The following ADAM32 variants were observed in gnomAD, a reference collection of about 807,000 sequenced individuals.
ADAM32 encodes ADAM metallopeptidase domain 32.
Under a neutral mutation model 114.9 loss-of-function variants are expected in ADAM32, and 89 were observed. The observed-to-expected ratio is 0.77, with a 90% CI of 0.65 to 0.92. The LOEUF is 0.92. Ranked by LOEUF, ADAM32 falls within the 40% of genes least tolerant of loss-of-function variation. The pLI, the probability that ADAM32 is intolerant of heterozygous loss-of-function variation, is 0.00. For missense variants in ADAM32, 870 were observed against 932.8 expected, an observed-to-expected ratio of 0.93 and a Z score of 0.88; for synonymous variants, 285 against 307.5, an observed-to-expected ratio of 0.93 and a Z score of 0.77.
intron 12 of ADAM32, among the ~76,000 whole-genome samples, chr8:39,215,964 G>C (rs1808533109): frequency 1.3e-5 from 2 of 151,866 alleles, no homozygotes; most frequent in African/African-American, 2.4e-5. Context: ...TTGATTTTCT[G>C]TCTGGAAGGT....
rs569121913 is a variant in ADAM32 at position 39,270,548 on chromosome 8, A to C, written c.2163-328A>C. On this transcript the variant is annotated intron_variant, in intron 19 of 24. Transcript: ENST00000379907. Reference sequence around the variant, plus strand: ...TTTCTTTAAAAATGAATAAAAAACCAAAAGTTGGATTATGAAGGTCAGAAT... The same window carrying C: ...TTTCTTTAAAAATGAATAAAAAACCCAAAGTTGGATTATGAAGGTCAGAAT... Among the ~76,000 whole-genome samples, 14 of 152,300 alleles carry C rather than the reference A, an allele frequency of 9.2e-5. No individual in the cohort carries two copies. The South Asian group carries it at 2.9e-3, about 32-fold the overall frequency.
At chr8:39,234,613 T>A (rs547014077) in intron 16 of ADAM32, among the ~76,000 whole-genome samples, 2 of 144,458 alleles carry the variant, frequency 1.4e-5, no homozygotes, top group Non-Finnish European at 2.9e-5. Flanking sequence ...GAGATAATAT[T>A]ATAAGTGCTT....
intron 10 of ADAM32, among the ~76,000 whole-genome samples, chr8:39,183,566 A>T (rs561899075): frequency 1.3e-5 from 2 of 152,050 alleles, no homozygotes; most frequent in African/African-American, 4.8e-5. Context: ...CCTCATCATC[A>T]CTCACTCTGT....
intron 10 of ADAM32, among the ~76,000 whole-genome samples, chr8:39,180,447 C>A (rs113722729): frequency 1.3e-5 from 2 of 152,140 alleles, no homozygotes; most frequent in Non-Finnish European, 2.9e-5. Context: ...CGAGCCTCCC[C>A]GACGAGCGCT....
At chr8:39,129,896 A>C (rs2129444775) in intron 2 of ADAM32, 1 of 400,958 alleles carries the variant, frequency 2.5e-6, no homozygotes. Context: ...CTTTTTAGAA[A>C]TTTATTAATT....
chr8:39,134,086 C>T (rs970807970), intron 2 of ADAM32, among the ~76,000 whole-genome samples: 2 of 152,090 alleles, frequency 1.3e-5, no homozygotes, highest in Non-Finnish European at 2.9e-5. Context: ...ACCCAGCTGC[C>T]CCACTTGTTC....
At chr8:39,173,239 C>T (rs1351614497) in intron 10 of ADAM32, among the ~76,000 whole-genome samples, 1 of 152,222 alleles carries the variant, frequency 6.6e-6, no homozygotes, top group Admixed American at 6.5e-5. Context: ...GCCTGGGCAA[C>T]AAGAGGGAGA....
intron 19 of ADAM32, among the ~76,000 whole-genome samples, chr8:39,258,522 A>G (rs1811808760): frequency 1.3e-5 from 2 of 152,064 alleles, no homozygotes; most frequent in Admixed American, 1.3e-4. Flanking sequence ...TTAGTTTTCA[A>G]TTATATGATT....
At chr8:39,262,074 G>A (rs1812066738) in intron 19 of ADAM32, among the ~76,000 whole-genome samples, 1 of 151,942 alleles carries the variant, frequency 6.6e-6, no homozygotes, top group African/African-American at 2.4e-5. Context: ...TTTTGCTTTT[G>A]TCACCTGTGC....
chr8:39,273,079 C>T (rs1029020210), intron 20 of ADAM32, among the ~76,000 whole-genome samples: 1 of 152,100 alleles, frequency 6.6e-6, no homozygotes, highest in African/African-American at 2.4e-5. Flanking sequence ...CAATGACATA[C>T]CTGGAGCTGT....
At chr8:39,155,514 T>G (rs549112889) in intron 6 of ADAM32, among the ~76,000 whole-genome samples, 2 of 152,270 alleles carry the variant, frequency 1.3e-5, no homozygotes, top group Non-Finnish European at 1.5e-5. Context: ...ACCAGTAAAA[T>G]AGTCAATGGA....
chr8:39,241,083 A>G (rs963426990), intron 16 of ADAM32, among the ~76,000 whole-genome samples: 1 of 152,336 alleles, frequency 6.6e-6, no homozygotes, highest in South Asian at 2.1e-4. Flanking sequence ...CAAAGGGGCT[A>G]CAGGTCCCAT....
chr8:39,107,886 C>T, intron 1 of ADAM32, 53 bp downstream of exon 1: 9 of 1,476,448 alleles, frequency 6.1e-6, no homozygotes, highest in Non-Finnish European at 8.1e-6. Context: ...CACTGCGGCC[C>T]GACTCCCTGC....
chr8:39,207,175 C>T (rs1219451279), intron 11 of ADAM32, among the ~76,000 whole-genome samples: 1 of 152,108 alleles, frequency 6.6e-6, no homozygotes, highest in African/African-American at 2.4e-5. Context: ...TGTCTTTCTA[C>T]ATCTCAGAAG....
At chr8:39,259,886 C>T (rs186174559) in intron 19 of ADAM32, among the ~76,000 whole-genome samples, 6 of 152,098 alleles carry the variant, frequency 3.9e-5, no homozygotes, top group Admixed American at 1.3e-4. Flanking sequence ...ATAATGGTAT[C>T]GGTACAATAC....
chr8:39,187,771 A>G (rs1211200948), intron 11 of ADAM32, among the ~76,000 whole-genome samples: 1 of 152,150 alleles, frequency 6.6e-6, no homozygotes, highest in Non-Finnish European at 1.5e-5. Context: ...ACTTTGCCTA[A>G]GTTTACTTTT....
chr8:39,203,664 T>C (rs1432561289), intron 11 of ADAM32, among the ~76,000 whole-genome samples: 2 of 152,352 alleles, frequency 1.3e-5, no homozygotes, highest in African/African-American at 4.8e-5. Flanking sequence ...GTGAATTTGA[T>C]CCTGTCATTA....
chr8:39,251,035 T>G (rs1002359532), intron 17 of ADAM32, among the ~76,000 whole-genome samples: 1 of 151,976 alleles, frequency 6.6e-6, no homozygotes, highest in South Asian at 2.1e-4. Context: ...TGTTTTACAT[T>G]GTGTATGTAT....
At chr8:39,151,861 A>G (rs1034982856) in intron 6 of ADAM32, among the ~76,000 whole-genome samples, 1 of 151,588 alleles carries the variant, frequency 6.6e-6, no homozygotes, top group South Asian at 2.1e-4. Flanking sequence ...TCTACAAAAA[A>G]GAGACAGACC....
Sources: allele counts gnomAD v4.1 joint callset (sites outside exome capture counted in the v4.1 genomes callset), GRCh38; gene constraint gnomAD v4.1.1; transcripts MANE v1.5; gene names NCBI Gene and HGNC (gene_info 2026-07-23, HGNC 2026-07-21).